Variants in PLEKHA6 observed in about 807,000 individuals in gnomAD.
The protein encoded by PLEKHA6 is pleckstrin homology domain containing A6, also known as pleckstrin homology domain-containing family A member 6.
A neutral mutation model predicts 116.7 loss-of-function variants in PLEKHA6; 60 were observed. The ratio of observed to expected loss-of-function variants is 0.51; its 90% confidence interval spans 0.42 to 0.64. The LOEUF (loss-of-function observed/expected upper bound fraction) is 0.64, where lower values mean the gene tolerates loss of function less well. Among genes scored for constraint, PLEKHA6 ranks in the 30% least tolerant of loss-of-function variants. The probability of loss-of-function intolerance (pLI) is 0.00; values close to 1 mark genes in which losing one functional copy is unlikely to be tolerated. For synonymous variants in PLEKHA6, 489 were observed against 556.1 expected, an observed-to-expected ratio of 0.88 and a Z score of 1.70; for missense variants, 1,338 against 1,422.7, an observed-to-expected ratio of 0.94 and a Z score of 0.96.
At chr1:204,345,199 G>A (rs1672991812) in intron 1 of PLEKHA6, among the ~76,000 whole-genome samples, 1 of 152,170 alleles carries the variant, frequency 6.6e-6, no homozygotes, top group African/African-American at 2.4e-5. Flanking sequence ...CCTTGGTTCT[G>A]ACAACACCAA....
At chr1:204,268,897 CA>C (rs1322825964) in intron 3 of PLEKHA6, among the ~76,000 whole-genome samples, 1 of 152,172 alleles carries the variant, frequency 6.6e-6, no homozygotes, top group African/African-American at 2.4e-5. Context: ...GTCCGCTTCT[CA>C]ATCGTTCTTT....
At chr1:204,351,637 A>G (rs1558197516) in intron 1 of PLEKHA6, among the ~76,000 whole-genome samples, 1 of 152,032 alleles carries the variant, frequency 6.6e-6, no homozygotes, top group Non-Finnish European at 1.5e-5. Context: ...AAGTTTCTCA[A>G]TTGAGCCATA....
intron 1 of PLEKHA6, among the ~76,000 whole-genome samples, chr1:204,344,515 G>T (rs1672960040): frequency 6.7e-6 from 1 of 150,210 alleles, no homozygotes; most frequent in Non-Finnish European, 1.5e-5. Flanking sequence ...CAGGAGAATT[G>T]CTTGAACCCG....
At chr1:204,368,535 G>A (rs1178344783) in intron 2 of PLEKHA6, 2 of 152,340 alleles carry the variant, frequency 1.3e-5, no homozygotes, top group Non-Finnish European at 1.5e-5. Context: ...GTTGACAGTG[G>A]CCAGGAGGCA....
At chr1:204,339,233 C>A (rs1477500415) in intron 1 of PLEKHA6, among the ~76,000 whole-genome samples, 1 of 152,200 alleles carries the variant, frequency 6.6e-6, no homozygotes. Flanking sequence ...CCCTGGCAGC[C>A]CAGCCAGTCG....
At chr1:204,239,672 C>T (rs1571814826) in intron 17 of PLEKHA6, among the ~76,000 whole-genome samples, 1 of 152,190 alleles carries the variant, frequency 6.6e-6, no homozygotes, top group African/African-American at 2.4e-5. Flanking sequence ...CCTGAAGCAG[C>T]TGGATTGATA....
chr1:204,262,945 A>G (rs969682027), intron 6 of PLEKHA6, among the ~76,000 whole-genome samples: 1 of 150,798 alleles, frequency 6.6e-6, no homozygotes, highest in Non-Finnish European at 1.5e-5. Flanking sequence ...TGTAGAGCGG[A>G]GACACACAGG....
chr1:204,254,441 T>A (rs933142002), intron 9 of PLEKHA6, among the ~76,000 whole-genome samples: 1 of 151,770 alleles, frequency 6.6e-6, no homozygotes, highest in Non-Finnish European at 1.5e-5. Flanking sequence ...GCATCTCATT[T>A]AAAATTTTTT....
At chr1:204,308,687 C>CTTTCTTTTTTTTTT (rs775770952) in intron 1 of PLEKHA6, among the ~76,000 whole-genome samples, 13 of 81,406 alleles carry the variant, frequency 1.6e-4, no homozygotes, top group African/African-American at 6.4e-4. Flanking sequence ...TTTTCTTTTT[C>CTTTCTTTTTTTTTT]TTTTTTTTTT....
Position 204,228,218 on chromosome 1 carries a change from C to A in PLEKHA6, c.2896G>T (p.Val966Leu). ...TLIAKSSMQNVVPIGEGDSVD... is the reference protein window; with the variant it reads ...TLIAKSSMQNLVPIGEGDSVD... ...GAGTCCCCCTCGCCGATGGGCACCACGTTCTGCATACTGAAGAGGCACAGA... is the reference window on the plus strand; with the variant it reads ...GAGTCCCCCTCGCCGATGGGCACCAAGTTCTGCATACTGAAGAGGCACAGA... Residue 966 changes from valine to leucine, a missense_variant, in exon 21 of 23, where the codon GTG becomes TTG. Physicochemically the swap from Val to Leu is conservative, Grantham distance 32. Transcript: ENST00000272203. The surrounding 1 kb of genome is among the most constrained non-coding windows in gnomAD (Gnocchi z 4.0). 6.2e-7 allele frequency: 1 copy of A among 1,604,810 alleles called. No individual in the cohort carries two copies.
Position 204,241,778 on chromosome 1 carries a change from G to T in PLEKHA6, c.2209C>A (p.His737Asn). The T allele has an allele frequency of 3.7e-6, 6 of 1,614,136 alleles. No individual in the cohort carries two copies. Among genetic ancestry groups the T allele is most frequent in the Non-Finnish European group, 5.1e-6 (6 of 1,179,960 alleles). ...ANYEQSKKDP[H>N]QTLPLDTPRD... Reference sequence around the variant, plus strand: ...GGGGTGTCCAGGGGCAATGTCTGGTGGGGGTCTTTCTTGCTTTGTTCATAG... The same window carrying T: ...GGGGTGTCCAGGGGCAATGTCTGGTTGGGGTCTTTCTTGCTTTGTTCATAG... The change falls in exon 16 of 23, where the codon CAC becomes AAC. Residue 737 changes from histidine to asparagine, a missense_variant. This residue lies in a region of PLEKHA6 where 1,136 missense variants were observed against 1,163.6 expected (regional missense o/e 0.98). Coordinates refer to ENST00000272203, the MANE Select transcript of PLEKHA6 (RefSeq NM_014935.5).
At chr1:204,352,660 C>T (rs1320657911) in intron 1 of PLEKHA6, among the ~76,000 whole-genome samples, 2 of 152,208 alleles carry the variant, frequency 1.3e-5, no homozygotes, top group Non-Finnish European at 2.9e-5. Context: ...TTTGCTCACT[C>T]ATCTGCTCCC....
chr1:204,267,933 G>T (rs1028445399), intron 4 of PLEKHA6, among the ~76,000 whole-genome samples: 1 of 152,148 alleles, frequency 6.6e-6, no homozygotes, highest in Admixed American at 6.5e-5. Context: ...CTAGTGGGTT[G>T]TTCCCATGGG....
chr1:204,352,604 C>T (rs76836401), intron 1 of PLEKHA6, among the ~76,000 whole-genome samples: 1 of 152,110 alleles, frequency 6.6e-6, no homozygotes, highest in Non-Finnish European at 1.5e-5. Flanking sequence ...TCTTTTTTGG[C>T]CACCAACATA....
chr1:204,352,400 A>G (rs1002620232), intron 1 of PLEKHA6, among the ~76,000 whole-genome samples: 3 of 152,160 alleles, frequency 2.0e-5, no homozygotes, highest in African/African-American at 7.2e-5. Flanking sequence ...AGAAAAAAGA[A>G]AAAAAGACTA....
Position 204,370,919 on chromosome 1 carries a change from T to A in PLEKHA6, c.160+611A>T, listed in dbSNP as rs145666421. Reference sequence around the variant, plus strand: ...CAATACAAAAATTAGCTGGGTGTGGTGGCACACACATGTAATCCCAGCTAT... The same window carrying A: ...CAATACAAAAATTAGCTGGGTGTGGAGGCACACACATGTAATCCCAGCTAT... On this transcript the variant is annotated intron_variant, in intron 2 of 4. Coordinates refer to the PLEKHA6 transcript ENST00000564627. Among the ~76,000 whole-genome samples the A allele has an allele frequency of 1.0e-2, 1,519 of 152,132 alleles. 19 individuals are homozygous for A. Among genetic ancestry groups the A allele is most frequent in the African/African-American group, 0.033 (1,382 of 41,484 alleles).
chr1:204,283,961 C>CTA (rs1366037116), intron 1 of PLEKHA6, among the ~76,000 whole-genome samples: 2 of 152,202 alleles, frequency 1.3e-5, no homozygotes, highest in Non-Finnish European at 2.9e-5. Flanking sequence ...GATGGAGCAG[C>CTA]TGTAGGGCAG....
At chr1:204,275,505 C>T (rs2102915656) in intron 1 of PLEKHA6, among the ~76,000 whole-genome samples, 1 of 152,000 alleles carries the variant, frequency 6.6e-6, no homozygotes, top group Non-Finnish European at 1.5e-5. Flanking sequence ...GGATGGCCTG[C>T]CAGGAAGCAG....
At chr1:204,230,323 AC>A (rs1660986798) in intron 18 of PLEKHA6, 89 bp downstream of exon 18, 17 of 1,090,214 alleles carry the variant, frequency 1.6e-5, no homozygotes, top group Admixed American at 3.3e-5. Context: ...TTCCTCTCAA[AC>A]CCCCCAGGCC....
Sources: allele counts gnomAD v4.1 joint callset (sites outside exome capture counted in the v4.1 genomes callset), GRCh38; gene constraint gnomAD v4.1.1; regional missense constraint gnomAD v4.1.1; non-coding constraint Gnocchi (gnomAD v3.1); transcripts MANE v1.5; gene names NCBI Gene and HGNC (gene_info 2026-07-23, HGNC 2026-07-21).